The following IGF2BP3 variants were observed in gnomAD, a reference collection of about 807,000 sequenced individuals.
The protein encoded by IGF2BP3 is insulin-like growth factor 2 mRNA-binding protein 3.
A neutral mutation model predicts 73.8 loss-of-function variants in IGF2BP3; 9 were observed. The ratio of observed to expected loss-of-function variants is 0.12; its 90% CI spans 0.07 to 0.21. IGF2BP3 has a LOEUF of 0.21. Ranked by LOEUF, IGF2BP3 falls within the 10% of genes least tolerant of loss-of-function variation. The pLI is 1.00. For synonymous variants in IGF2BP3, 258 were observed against 256.7 expected (o/e 1.01, Z -0.05); for missense variants, 542 against 714.0 (o/e 0.76, Z 2.75).
rs567577705 is a variant in IGF2BP3, at chr7:23,316,016, G to A, written c.1395+1623C>T. On this transcript the variant is annotated intron_variant, in intron 12 of 14. Transcript: ENST00000258729. ...TATAAGACTAAAAGCTCAGCACCAA[G>A]GAAAGACATGTTTGTATTTATCTTT... Among the ~76,000 whole-genome samples the A allele has an allele frequency of 3.3e-5, 5 of 152,270 alleles. No individual in the cohort carries two copies. In the South Asian group the frequency reaches 8.3e-4, roughly 25 times the overall value.
In IGF2BP3 at chr7:23,324,415, T is replaced by G. The variant is rs1469641979; in HGVS notation, c.1204-5161A>C. Among the ~76,000 whole-genome samples the G allele has an allele frequency of 4.9e-4, 73 of 150,206 alleles. 1 individual carries two copies. The highest frequency in any genetic ancestry group is 1.0e-3 in the Non-Finnish European group (69 of 67,628). ...ATAGACCAATAACAGGAGCTGAAAT[T>G]GTGGCAATAATCAATAGCTTACCAA... On this transcript the variant is annotated intron_variant, in intron 10 of 14. Coordinates refer to ENST00000258729, the MANE Select transcript of IGF2BP3 (RefSeq NM_006547.3).
rs569413167 is a variant in IGF2BP3, at chr7:23,449,494, GAC to G, written c.236+18986_236+18987del. Among the ~76,000 whole-genome samples the G allele has an allele frequency of 4.5e-3, 676 of 151,064 alleles. 1 individual carries two copies. Among genetic ancestry groups the G allele is most frequent in the Non-Finnish European group, 7.3e-3 (496 of 67,846 alleles). On this transcript the variant is annotated intron_variant, in intron 2 of 14. Coordinates refer to ENST00000258729, the MANE Select transcript of IGF2BP3 (RefSeq NM_006547.3). ...ATAGCGCCACTGCACTCCAGCCTGG[GAC>G]ACAGCGAGACTCCGTCTAAAAAAAT...
intron 2 of IGF2BP3, among the ~76,000 whole-genome samples, chr7:23,435,345 G>A (rs934547448): frequency 5.3e-4 from 76 of 143,292 alleles, no homozygotes; most frequent in Admixed American, 2.6e-3. Flanking sequence ...GAAGTCTCTA[G>A]CCCTATCATG....
chr7:23,382,826 G>A (rs919481479), intron 3 of IGF2BP3, among the ~76,000 whole-genome samples: 52 of 149,410 alleles, frequency 3.5e-4, no homozygotes, highest in Non-Finnish European at 5.9e-5. Flanking sequence ...GGGTAAGGGA[G>A]GGTAGAGATT....
intron 10 of IGF2BP3, among the ~76,000 whole-genome samples, chr7:23,326,264 A>G (rs1159878857): frequency 6.6e-6 from 1 of 152,236 alleles, no homozygotes; most frequent in African/African-American, 2.4e-5. Context: ...AAGGACATGA[A>G]CAGACACTTC....
At chr7:23,433,419 A>G (rs1787736384) in intron 2 of IGF2BP3, among the ~76,000 whole-genome samples, 1 of 152,158 alleles carries the variant, frequency 6.6e-6, no homozygotes, top group East Asian at 1.9e-4. Context: ...TACCAAAAAA[A>G]GCAAAATTTC....
At chr7:23,351,183 G>A in intron 6 of IGF2BP3, 122 bp downstream of exon 6, 2 of 1,001,610 alleles carry the variant, frequency 2.0e-6, no homozygotes, top group Non-Finnish European at 1.5e-6. Flanking sequence ...ACATTCCCAA[G>A]TACTGTACAA....
intron 3 of IGF2BP3, among the ~76,000 whole-genome samples, chr7:23,397,112 T>A (rs75541607): frequency 1.8e-3 from 280 of 152,286 alleles, no homozygotes; most frequent in African/African-American, 6.3e-3. Context: ...GAAAAGTATG[T>A]CTCCAGGTTT....
At chr7:23,399,421 A>G (rs1169697561) in intron 3 of IGF2BP3, among the ~76,000 whole-genome samples, 3 of 151,526 alleles carry the variant, frequency 2.0e-5, no homozygotes, top group Non-Finnish European at 4.4e-5. Flanking sequence ...TAAAAAAAAA[A>G]AAAGAAAGAG....
rs549750172 is a variant in IGF2BP3, at chr7:23,394,756, T to C, written c.285+24020A>G. ...ACATTAATTAAACAGCACGTCAGAA[T>C]AGAATTCCTACCATACAGAAACAAA... is the stretch of plus-strand genomic sequence containing the variant. On this transcript the variant is annotated intron_variant, in intron 3 of 14. Transcript: ENST00000258729. 8 of 152,282 alleles carry C rather than the reference T, an allele frequency of 5.3e-5. No individual in the cohort carries two copies. In the East Asian group the frequency reaches 5.8e-4, roughly 11 times the overall value. 9.4% of individuals were successfully genotyped at this position (152,282 alleles called of 1,614,324 possible). A position where few individuals can be genotyped will look rare whatever the true frequency, so the allele number is the denominator to read the frequency against.
At chr7:23,320,113 T>G in intron 10 of IGF2BP3, among the ~76,000 whole-genome samples, 1 of 151,592 alleles carries the variant, frequency 6.6e-6, no homozygotes, top group African/African-American at 2.4e-5. Flanking sequence ...GGTTTCACCA[T>G]GTTGGCCAGG....
intron 3 of IGF2BP3, among the ~76,000 whole-genome samples, chr7:23,375,909 TA>T (rs1785702559): frequency 6.6e-6 from 1 of 152,180 alleles, no homozygotes; most frequent in African/African-American, 2.4e-5. Flanking sequence ...TATGGGGCCT[TA>T]TAATAAAATT....
chr7:23,436,440 C>T (rs1273060965), intron 2 of IGF2BP3, among the ~76,000 whole-genome samples: 3 of 152,106 alleles, frequency 2.0e-5, no homozygotes, highest in Non-Finnish European at 4.4e-5. Context: ...GCTAGGTGAT[C>T]AGTATAGGAG....
chr7:23,458,003 T>C (rs1788361218), intron 2 of IGF2BP3, among the ~76,000 whole-genome samples: 1 of 152,192 alleles, frequency 6.6e-6, no homozygotes, highest in African/African-American at 2.4e-5. Flanking sequence ...TCTTCCATGT[T>C]TCTGTTATCA....
At chr7:23,354,183 G>T (rs530567271) in intron 5 of IGF2BP3, among the ~76,000 whole-genome samples, 2 of 152,076 alleles carry the variant, frequency 1.3e-5, no homozygotes, top group Admixed American at 1.3e-4. Flanking sequence ...TAGTAGAGAT[G>T]GGTTTTGCTA....
chr7:23,350,375 T>C lies in IGF2BP3; in HGVS notation c.683+930A>G, dbSNP rs149307290. Among the ~76,000 whole-genome samples the C allele has an allele frequency of 5.6e-3, 851 of 152,332 alleles. 3 individuals are homozygous for C. Among genetic ancestry groups the C allele is most frequent in the African/African-American group, 0.02 (821 of 41,578 alleles). ...GGCTCAAGGCTTGCACAATGGTATTTTTGGATACAACCTCTTCTTCCCAGC... is the reference window on the plus strand; with the variant it reads ...GGCTCAAGGCTTGCACAATGGTATTCTTGGATACAACCTCTTCTTCCCAGC... On this transcript the variant is annotated intron_variant, in intron 6 of 14. Transcript: ENST00000258729.
chr7:23,384,981 G>T (rs550666797), intron 3 of IGF2BP3, among the ~76,000 whole-genome samples: 36 of 152,216 alleles, frequency 2.4e-4, no homozygotes, highest in African/African-American at 7.9e-4. Context: ...CTTATAATGG[G>T]ATTATCAGGA....
chr7:23,338,881 A>T (rs1192235380), intron 10 of IGF2BP3, among the ~76,000 whole-genome samples: 1 of 152,268 alleles, frequency 6.6e-6, no homozygotes, highest in Non-Finnish European at 1.5e-5. Flanking sequence ...TATGATTTGG[A>T]TAAATGATTT....
intron 5 of IGF2BP3, among the ~76,000 whole-genome samples, chr7:23,357,969 G>C (rs1785137768): frequency 6.6e-6 from 1 of 152,216 alleles, no homozygotes; most frequent in African/African-American, 2.4e-5. Flanking sequence ...CACTGGAAAT[G>C]AAGTATACCA....
Sources: allele counts gnomAD v4.1 joint callset (sites outside exome capture counted in the v4.1 genomes callset), GRCh38; gene constraint gnomAD v4.1.1; transcripts MANE v1.5; gene names NCBI Gene and HGNC (gene_info 2026-07-23, HGNC 2026-07-21).